Variants in NLRP4 observed in about 807,000 individuals in gnomAD.
The protein encoded by NLRP4 is NLR family pyrin domain containing 4.
In NLRP4, 44 loss-of-function variants were observed where a neutral mutation model predicts 84.7. That is an observed-to-expected ratio of 0.52 (90% CI 0.41 to 0.67). NLRP4 has a LOEUF of 0.67. Among genes scored for constraint, NLRP4 ranks in the 30% least tolerant of loss-of-function variants. NLRP4 has a pLI of 0.00. For missense variants in NLRP4, 1,260 were observed against 1,219.4 expected (o/e 1.03, Z -0.50); for synonymous variants, 544 against 476.4 (o/e 1.14, Z -1.85).
intron 1 of NLRP4, among the ~76,000 whole-genome samples, chr19:55,837,685 C>T (rs1275316221): frequency 1.3e-5 from 2 of 151,892 alleles, no homozygotes; most frequent in Admixed American, 6.6e-5. Context: ...TTAGTTAAGG[C>T]GAGGTCATAC....
At chr19:55,877,627 G>A (rs1472780354) in intron 8 of NLRP4, among the ~76,000 whole-genome samples, 2 of 152,150 alleles carry the variant, frequency 1.3e-5, no homozygotes, top group Non-Finnish European at 2.9e-5. Flanking sequence ...CACGGTTATG[G>A]AGGCTGAAAG....
At position 55,877,156 on chromosome 19, in the gene NLRP4, G is replaced by A. The variant is rs776997932; in HGVS notation, c.2686G>A (p.Glu896Lys). 8 of 1,613,574 alleles carry A rather than the reference G, an allele frequency of 5.0e-6. No homozygotes were observed. Among genetic ancestry groups the A allele is most frequent in the Non-Finnish European group, 6.8e-6 (8 of 1,179,680 alleles). ...TCTGACGCATACGGATTGCCGCTTAGAGATTCTTGGGTGGGTATCGCCAAG... is the reference window on the plus strand; with the variant it reads ...TCTGACGCATACGGATTGCCGCTTAAAGATTCTTGGGTGGGTATCGCCAAG... The part of the protein sequence containing the change: ...RALTHTDCRL[E>K]ILGLEECGLT... The change falls in exon 8 of 10, where the codon GAG (glutamate) becomes AAG (lysine). Residue 896 changes from glutamate to lysine, a missense_variant. Coordinates refer to ENST00000301295, the MANE Select transcript of NLRP4 (RefSeq NM_134444.5).
chr19:55,873,179 G>A (rs1238638020), intron 7 of NLRP4, among the ~76,000 whole-genome samples: 1 of 152,160 alleles, frequency 6.6e-6, no homozygotes, highest in Non-Finnish European at 1.5e-5. Context: ...AATCATTCCA[G>A]ATGGAAGAGA....
intron 8 of NLRP4, among the ~76,000 whole-genome samples, chr19:55,878,265 C>T (rs1354978403): frequency 6.6e-6 from 1 of 150,772 alleles, no homozygotes; most frequent in Non-Finnish European, 1.5e-5. Context: ...CCCATCTCCA[C>T]AAAAATTAGC....
chr19:55,856,704 C>T (rs1035264766), intron 2 of NLRP4, among the ~76,000 whole-genome samples: 19 of 151,844 alleles, frequency 1.3e-4, no homozygotes, highest in African/African-American at 4.1e-4. Context: ...TTAGTAGAGA[C>T]AGGGTTTCAC....
chr19:55,853,459 C>T (rs959816602), intron 2 of NLRP4, among the ~76,000 whole-genome samples: 2 of 152,192 alleles, frequency 1.3e-5, no homozygotes, highest in African/African-American at 4.8e-5. Flanking sequence ...GTGGCATCAT[C>T]ACGGCTCACT....
Position 55,852,088 on chromosome 19 carries a change from C to T in NLRP4, c.8C>T (p.Ala3Val), listed in dbSNP as rs1984186474. 3.1e-6 allele frequency: 5 copies of T among 1,591,316 alleles called. No individual in the cohort carries two copies. The highest frequency in any genetic ancestry group is 4.3e-6 in the Non-Finnish European group (5 of 1,173,938). ...ATCTCTGCTCCAGAAAAGATGGCAG[C>T]CTCTTTCTTCTCTGATTTTGGTCTT... MA[A>V]SFFSDFGLMW... Residue 3 changes from alanine to valine, a missense_variant, in exon 2 of 10, where the codon GCC (alanine) becomes GTC (valine). Transcript: ENST00000301295.
In NLRP4 at chr19:55,858,884, T is replaced by A. The variant is rs775670834; in HGVS notation, c.1491T>A (p.Ile497=). 6.2e-7 allele frequency: 1 copy of A among 1,614,146 alleles called. No individual in the cohort carries two copies. Among genetic ancestry groups the A allele is most frequent in the South Asian group, 1.1e-5 (1 of 91,082 alleles). Residue 497 remains isoleucine (I), a synonymous_variant, in exon 3 of 10, where the codon ATT becomes ATA. Transcript: ENST00000301295. This position sits in a 1 kb window ranked among gnomAD's most constrained non-coding sequence, Gnocchi z 4.2. ...AAAAAGCAAGGAGAGCACATTGGAT[T>A]TTTTTGGGGTGTTTTCTAACTGGCC... ...NFEKARRAHW[I]FLGCFLTGLL... is the part of the protein sequence containing the mutation.
At chr19:55,853,636 C>G (rs1384583578) in intron 2 of NLRP4, among the ~76,000 whole-genome samples, 4 of 152,150 alleles carry the variant, frequency 2.6e-5, no homozygotes, top group Non-Finnish European at 4.4e-5. Flanking sequence ...TCTCAAACTC[C>G]TGGGCTCAAG....
intron 9 of NLRP4, among the ~76,000 whole-genome samples, chr19:55,880,923 G>A (rs1478323824): frequency 6.6e-5 from 10 of 152,212 alleles, no homozygotes; most frequent in Non-Finnish European, 1.5e-4. Context: ...AGCCTTAGCA[G>A]AGGGCCAGGG....
intron 4 of NLRP4, among the ~76,000 whole-genome samples, 180 bp downstream of exon 4, chr19:55,861,727 C>T (rs544838380): frequency 4.9e-4 from 75 of 152,102 alleles, no homozygotes; most frequent in Non-Finnish European, 6.9e-4. Context: ...TTGTTCTGTG[C>T]GTTGTAGGGT....
At chr19:55,859,681 A>G (rs371524054) in intron 3 of NLRP4, among the ~76,000 whole-genome samples, 1 of 152,000 alleles carries the variant, frequency 6.6e-6, no homozygotes, top group Non-Finnish European at 1.5e-5. Flanking sequence ...TAACCCTACC[A>G]CTGTGGGAGG....
At chr19:55,875,867 GAA>G (rs56984628) in intron 7 of NLRP4, among the ~76,000 whole-genome samples, 125 of 142,310 alleles carry the variant, frequency 8.8e-4, no homozygotes, top group African/African-American at 1.4e-3. Flanking sequence ...CGTCTCTACT[GAA>G]AAAAAAAAAA....
intron 5 of NLRP4, among the ~76,000 whole-genome samples, chr19:55,863,264 G>A (rs761280292): frequency 1.3e-5 from 2 of 152,206 alleles, no homozygotes; most frequent in Non-Finnish European, 2.9e-5. Flanking sequence ...AGGCTCTGGT[G>A]TTGGAGGTTC....
In NLRP4 at chr19:55,852,508, C is replaced by T. The variant is rs117700393; in HGVS notation, c.280+148C>T. ...TTTTTTTTTTTTTGGTAGACGGAGT[C>T]GCACTTTGTTGCCCAGACAGTGCAG... On this transcript the variant is annotated intron_variant, in intron 2 of 9. Transcript: ENST00000301295. The T allele has an allele frequency of 2.6e-3, 1,461 of 555,736 alleles. 40 individuals are homozygous for T. In the East Asian group the frequency reaches 0.044, roughly 17 times the overall value. 34.4% of individuals were successfully genotyped at this position (555,736 alleles called of 1,614,324 possible).
chr19:55,842,335 C>G (rs901275379), intron 1 of NLRP4, among the ~76,000 whole-genome samples: 1 of 152,058 alleles, frequency 6.6e-6, no homozygotes, highest in Non-Finnish European at 1.5e-5. Context: ...CTTATCTGTT[C>G]TAGGTTCCTA....
chr19:55,869,393 A>ACC (rs370667814), intron 6 of NLRP4, among the ~76,000 whole-genome samples: 1 of 147,004 alleles, frequency 6.8e-6, no homozygotes, highest in Non-Finnish European at 1.5e-5. Flanking sequence ...CAAAAAAAAA[A>ACC]CAAAAAACAA....
chr19:55,860,636 G>A (rs1194317780), intron 3 of NLRP4, among the ~76,000 whole-genome samples: 1 of 152,120 alleles, frequency 6.6e-6, no homozygotes, highest in African/African-American at 2.4e-5. Flanking sequence ...TACAGGTGAG[G>A]AAACTGGGGC....
chr19:55,841,516 T>C (rs965203709), intron 1 of NLRP4, among the ~76,000 whole-genome samples: 7 of 152,340 alleles, frequency 4.6e-5, no homozygotes, highest in African/African-American at 1.7e-4. Flanking sequence ...ATTTTCTTTA[T>C]GCATTCATTT....
Sources: gnomAD v4.1 joint callset for allele counts (sites outside exome capture counted in the v4.1 genomes callset) on GRCh38, gnomAD v4.1.1 for gene constraint, Gnocchi (gnomAD v3.1) non-coding constraint, MANE v1.5 for transcripts, NCBI Gene and HGNC (gene_info 2026-07-23, HGNC 2026-07-21) for gene names.